The following CDC14B variants were observed in gnomAD, a reference collection of about 807,000 sequenced individuals.
CDC14B encodes cell division cycle 14B, also known as dual specificity protein phosphatase CDC14B.
A neutral mutation model predicts 64.2 loss-of-function variants in CDC14B; 22 were observed. The observed-to-expected ratio is 0.34, with a 90% CI of 0.24 to 0.49. The LOEUF is 0.49. CDC14B is among the 20% of genes least tolerant of loss of function. CDC14B has a pLI of 0.99. For synonymous variants in CDC14B, 191 were observed against 215.8 expected, an observed-to-expected ratio of 0.89 and a Z score of 1.01; for missense variants, 498 against 629.9, an observed-to-expected ratio of 0.79 and a Z score of 2.24.
intron 1 of CDC14B, among the ~76,000 whole-genome samples, chr9:96,583,024 A>G (rs1335675774): frequency 6.6e-6 from 1 of 152,204 alleles, no homozygotes; most frequent in Non-Finnish European, 1.5e-5. Context: ...CCAGAGACGG[A>G]TGGCCATTAT....
chr9:96,616,723 C>CAA (rs557948777), intron 1 of CDC14B, among the ~76,000 whole-genome samples: 20 of 102,424 alleles, frequency 2.0e-4, no homozygotes, highest in East Asian at 3.0e-4. Context: ...GACTCTGTCT[C>CAA]AAAAAAAAAA....
At chr9:96,578,846 T>G (rs1376689706) in intron 1 of CDC14B, among the ~76,000 whole-genome samples, 1 of 152,076 alleles carries the variant, frequency 6.6e-6, no homozygotes, top group Non-Finnish European at 1.5e-5. Context: ...TGAGACGGAG[T>G]CTCACTCTGT....
downstream of CDC14B, among the ~76,000 whole-genome samples, chr9:96,499,422 G>A (rs199943063): frequency 4.6e-5 from 7 of 152,344 alleles, no homozygotes; most frequent in East Asian, 1.9e-4. Flanking sequence ...GGGGTCTGGC[G>A]TCCGGGGTTG....
intron 5 of CDC14B, among the ~76,000 whole-genome samples, chr9:96,550,681 T>C (rs952695358): frequency 2.6e-5 from 4 of 152,238 alleles, no homozygotes; most frequent in South Asian, 2.1e-4. Flanking sequence ...AGTAAAATTA[T>C]TTCATACATT....
chr9:96,608,018 T>C (rs945741720), intron 1 of CDC14B, among the ~76,000 whole-genome samples: 8 of 152,188 alleles, frequency 5.3e-5, no homozygotes, highest in African/African-American at 1.9e-4. Context: ...GAGGCACACA[T>C]CTTGTTTGAC....
intron 1 of CDC14B, among the ~76,000 whole-genome samples, chr9:96,595,427 C>T (rs927381684): frequency 6.6e-6 from 1 of 152,158 alleles, no homozygotes; most frequent in Non-Finnish European, 1.5e-5. Flanking sequence ...TTGGAGTCAG[C>T]AGAGAAAGAC....
downstream of CDC14B, among the ~76,000 whole-genome samples, chr9:96,497,580 T>C (rs1005094): frequency 0.17 from 25,423 of 152,172 alleles, 2,193 homozygotes; most frequent in African/African-American, 0.19. Flanking sequence ...GTCCTGCTAT[T>C]AACTGAGCAG....
intron 1 of CDC14B, among the ~76,000 whole-genome samples, chr9:96,610,917 C>T (rs1277887404): frequency 2.0e-5 from 3 of 152,084 alleles, no homozygotes; most frequent in East Asian, 1.9e-4. Flanking sequence ...TGCTGCTCTA[C>T]AGTTACAGAA....
chr9:96,567,390 C>CCCGGAG (rs1184588694), intron 1 of CDC14B: 1 of 152,972 alleles, frequency 6.5e-6, no homozygotes, highest in African/African-American at 2.4e-5. Flanking sequence ...AGTGCGCCCT[C>CCCGGAG]CCGGAGCAGG....
At chr9:96,494,093 T>C (rs1004204425) in intron 13 of CDC14B, among the ~76,000 whole-genome samples, 1 of 152,230 alleles carries the variant, frequency 6.6e-6, no homozygotes, top group African/African-American at 2.4e-5. Flanking sequence ...GGGAGCCCTG[T>C]CTTGTCGTGC....
rs16905624 is a variant in CDC14B, at chr9:96,564,493, C to T, written c.327+284G>A. ...TTCAGTTCTATTAGGTCAGACAATA[C>T]GAGGTTCACTTAATTAACTGATTCC... On this transcript the variant is annotated intron_variant, in intron 3 of 13. Transcript: ENST00000375241. Among the ~76,000 whole-genome samples the T allele has an allele frequency of 2.3e-3, 349 of 152,300 alleles. 1 individual carries two copies. The highest frequency in any genetic ancestry group is 4.8e-3 in the South Asian group (23 of 4,828).
intron 4 of CDC14B, among the ~76,000 whole-genome samples, chr9:96,555,314 A>T (rs966873840): frequency 2.0e-5 from 3 of 152,174 alleles, no homozygotes; most frequent in Non-Finnish European, 4.4e-5. Context: ...TTTTGGGAGG[A>T]TACTCAAGCA....
chr9:96,612,281 T>TG (rs1242589294), intron 1 of CDC14B, among the ~76,000 whole-genome samples: 1 of 152,222 alleles, frequency 6.6e-6, no homozygotes, highest in African/African-American at 2.4e-5. Context: ...GAACCTTTTG[T>TG]GCAAGTACAC....
chr9:96,566,725 G>C, intron 1 of CDC14B: 2 of 1,573,550 alleles, frequency 1.3e-6, no homozygotes, highest in South Asian at 1.1e-5. Context: ...TCCCAGCGCG[G>C]GTGCCGGAGC....
intron 1 of CDC14B, among the ~76,000 whole-genome samples, chr9:96,579,889 C>G (rs1845042262): frequency 6.6e-6 from 1 of 152,052 alleles, no homozygotes; most frequent in Non-Finnish European, 1.5e-5. Context: ...GAGGAATGCT[C>G]TACTATTTTT....
At chr9:96,509,389 G>C (rs963961949) in intron 13 of CDC14B, among the ~76,000 whole-genome samples, 40 of 152,206 alleles carry the variant, frequency 2.6e-4, no homozygotes, top group African/African-American at 9.4e-4. Context: ...TCCAAGTCCT[G>C]ACAGCCAGCT....
At chr9:96,606,989 T>G (rs1846989037) in intron 1 of CDC14B, among the ~76,000 whole-genome samples, 1 of 151,472 alleles carries the variant, frequency 6.6e-6, no homozygotes, top group Admixed American at 6.6e-5. Flanking sequence ...ATTGTGTCAC[T>G]GCATTCCAGC....
chr9:96,619,061 C>T (rs892284867), intron 1 of CDC14B, among the ~76,000 whole-genome samples, 158 bp downstream of exon 1: 7 of 150,276 alleles, frequency 4.7e-5, no homozygotes, highest in Non-Finnish European at 8.9e-5. Flanking sequence ...GAGCCAGGCT[C>T]CTAAAGGGGG....
chr9:96,534,370 C>T lies in CDC14B; in HGVS notation c.715+85G>A, dbSNP rs181870731. 6.1e-6 allele frequency: 6 copies of T among 988,136 alleles called. No homozygotes were observed. In the Admixed American group the frequency reaches 9.9e-5, roughly 16 times the overall value. The allele number at this position is 988,136 out of a possible 1,614,324, so 61.2% of individuals were successfully genotyped here. A position where few individuals can be genotyped will look rare whatever the true frequency, so the allele number is the denominator to read the frequency against. ...GCTTAAATAATAATTAACACTTGGT[C>T]AAGCTTGGTGTAACTCTTTCAAAAG... On this transcript the variant is annotated intron_variant, in intron 8 of 13. Transcript: ENST00000375241.
Sources: allele counts gnomAD v4.1 joint callset (sites outside exome capture counted in the v4.1 genomes callset), GRCh38; gene constraint gnomAD v4.1.1; transcripts MANE v1.5; gene names NCBI Gene and HGNC (gene_info 2026-07-23, HGNC 2026-07-21).